MTMR14: variants seen among roughly 807,000 people sequenced by gnomAD.
The protein encoded by MTMR14 is phosphatidylinositol-3,5-bisphosphate 3-phosphatase MTMR14.
Under a neutral mutation model 86.3 loss-of-function variants are expected in MTMR14, and 48 were observed. The ratio of observed to expected loss-of-function variants is 0.56; its 90% confidence interval spans 0.44 to 0.71. The LOEUF is 0.71. MTMR14 is among the 30% of genes least tolerant of loss of function. The pLI is 0.00. For missense variants in MTMR14, 780 were observed against 834.6 expected (o/e 0.93, Z 0.81); for synonymous variants, 366 against 326.1 (o/e 1.12, Z -1.32).
chr3:9,650,644 A>C (rs901319423), intron 1 of MTMR14: 1 of 253,996 alleles, frequency 3.9e-6, no homozygotes, highest in African/African-American at 2.2e-5. Flanking sequence ...TTCCAAGTAT[A>C]GTCTGGGGAC....
chr3:9,685,412 G>A (rs909631866), intron 13 of MTMR14, among the ~76,000 whole-genome samples, 165 bp downstream of exon 13: 1 of 152,156 alleles, frequency 6.6e-6, no homozygotes, highest in Non-Finnish European at 1.5e-5. Context: ...ACAGGCACCA[G>A]CACAGTAGCT....
chr3:9,675,695 C>T (rs552479426), intron 7 of MTMR14: 2 of 457,320 alleles, frequency 4.4e-6, no homozygotes, highest in African/African-American at 4.0e-5. Context: ...GGCATTTGCC[C>T]TGAGTAGAGT....
chr3:9,667,859 A>G (rs913181318), intron 3 of MTMR14, among the ~76,000 whole-genome samples: 10 of 152,118 alleles, frequency 6.6e-5, no homozygotes, highest in African/African-American at 2.4e-4. Context: ...TCCACTTTCC[A>G]TTTGCACATT....
intron 7 of MTMR14, among the ~76,000 whole-genome samples, chr3:9,673,907 C>T (rs371402559): frequency 1.3e-5 from 2 of 151,896 alleles, no homozygotes; most frequent in East Asian, 1.9e-4. Flanking sequence ...AGCAAGTTTG[C>T]GCTGATGCAG....
At position 9,649,728 on chromosome 3, in the gene MTMR14, A is replaced by G. The variant is rs2047168910; in HGVS notation, c.145A>G (p.Thr49Ala). 1.2e-6 allele frequency: 2 copies of G among 1,613,458 alleles called. No homozygotes were observed. Among genetic ancestry groups the G allele is most frequent in the South Asian group, 1.1e-5 (1 of 90,918 alleles). Residue 49 changes from threonine to alanine, a missense_variant, in exon 1 of 19, where the codon ACC becomes GCC. By Grantham distance (58) the Thr-to-Ala change is moderately conservative. Transcript: ENST00000296003. ...GTACCGGGCCAAGGATGGCAGCGGG[A>G]CCGGCGGCTCTAAGGTGAGATTGGA... ...TQYRAKDGSG[T>A]GGSKVERIEK...
intron 2 of MTMR14, among the ~76,000 whole-genome samples, chr3:9,661,751 A>C (rs2047946065): frequency 6.6e-6 from 1 of 152,072 alleles, no homozygotes; most frequent in Non-Finnish European, 1.5e-5. Context: ...AAGGTTCAGA[A>C]ATCAGAGTGA....
At chr3:9,669,398 A>G (rs765421641) in intron 4 of MTMR14, 34 bp from the exon 5 acceptor site, 1 of 1,611,954 alleles carries the variant, frequency 6.2e-7, no homozygotes, top group Admixed American at 1.7e-5. Context: ...CTGGGTCACC[A>G]GCCTCAGTAC....
Position 9,653,623 on chromosome 3 carries a change from T to G in MTMR14, c.162T>G (p.Val54=). Residue 54 remains valine, a splice_region_variant and synonymous_variant, in exon 2 of 19, where the codon GTT becomes GTG. Coordinates refer to ENST00000296003, the MANE Select transcript of MTMR14 (RefSeq NM_001077525.3). The stretch of plus-strand genomic sequence containing the variant: ...TTCTGGTCTCCTTCTCTGTGCAGGT[T>G]GAGCGCATTGAGAAGAGATGTCTGG... ...KDGSGTGGSK[V]ERIEKRCLEL... is the part of the protein sequence containing the mutation. 1 of 1,614,086 alleles carries G rather than the reference T, an allele frequency of 6.2e-7. No individual in the cohort carries two copies. The highest frequency in any genetic ancestry group is 8.5e-7 in the Non-Finnish European group (1 of 1,180,016).
intron 5 of MTMR14, among the ~76,000 whole-genome samples, chr3:9,670,840 C>A (rs1315493867): frequency 6.6e-6 from 1 of 152,180 alleles, no homozygotes; most frequent in East Asian, 1.9e-4. Flanking sequence ...TGAAATACAT[C>A]CCAGAGATTG....
At chr3:9,678,862 G>A (rs1373659029) in intron 9 of MTMR14, among the ~76,000 whole-genome samples, 1 of 152,184 alleles carries the variant, frequency 6.6e-6, no homozygotes, top group African/African-American at 2.4e-5. Flanking sequence ...AAATCCTGGA[G>A]GACAGGGACC....
At chr3:9,685,087 G>A in intron 12 of MTMR14, 123 bp downstream of exon 12, 2 of 1,494,764 alleles carry the variant, frequency 1.3e-6, no homozygotes, top group Non-Finnish European at 1.9e-6. Context: ...AAGGACCGAA[G>A]CTGCTGATCA....
In MTMR14 at chr3:9,687,504, G is replaced by A. The variant is rs561929975; in HGVS notation, c.1165-317G>A. 7.5e-3 allele frequency among the ~76,000 whole-genome samples: 1,137 copies of A among 151,882 alleles called. 17 individuals carry two copies. The highest frequency in any genetic ancestry group is 0.021 in the Middle Eastern group (6 of 292). Reference sequence around the variant, plus strand: ...CAGGAGGCTGAGCTTGCAGTGAGCCGAGATCACGCCATTGCACTCCAGCCT... The same window carrying A: ...CAGGAGGCTGAGCTTGCAGTGAGCCAAGATCACGCCATTGCACTCCAGCCT... On this transcript the variant is annotated intron_variant, in intron 13 of 18. Coordinates refer to ENST00000296003, the MANE Select transcript of MTMR14 (RefSeq NM_001077525.3).
intron 3 of MTMR14, among the ~76,000 whole-genome samples, chr3:9,668,391 CTTG>C (rs2048372993): frequency 6.6e-6 from 1 of 152,336 alleles, no homozygotes; most frequent in South Asian, 2.1e-4. Flanking sequence ...CCCTCATGGG[CTTG>C]TTGTAAAATT....
At chr3:9,658,071 G>T (rs1201361599) in intron 2 of MTMR14, among the ~76,000 whole-genome samples, 1 of 152,162 alleles carries the variant, frequency 6.6e-6, no homozygotes, top group Non-Finnish European at 1.5e-5. Flanking sequence ...GAGCTTGTTG[G>T]AGTTTGTTTT....
chr3:9,697,888 G>A, intron 18 of MTMR14, 22 bp downstream of exon 18: 4 of 1,613,722 alleles, frequency 2.5e-6, no homozygotes, highest in Non-Finnish European at 3.4e-6. Flanking sequence ...GCTTGAGAAG[G>A]CAGGATGCTC....
chr3:9,665,379 C>G (rs570265389), intron 3 of MTMR14, among the ~76,000 whole-genome samples: 1 of 151,364 alleles, frequency 6.6e-6, no homozygotes, highest in South Asian at 2.1e-4. Context: ...AACAGAAAAT[C>G]AAATACCGCA....
At chr3:9,673,084 A>C (rs144861995) in intron 7 of MTMR14, among the ~76,000 whole-genome samples, 7 of 152,316 alleles carry the variant, frequency 4.6e-5, no homozygotes, top group Admixed American at 6.5e-5. Flanking sequence ...ATTTATATGA[A>C]AGTGGTCTGT....
chr3:9,691,474 T>C lies in MTMR14; in HGVS notation c.1613+1331T>C, dbSNP rs951129074. 2.0e-5 allele frequency among the ~76,000 whole-genome samples: 3 copies of C among 152,206 alleles called. No homozygotes were observed. In the East Asian group the frequency reaches 5.8e-4, roughly 29 times the overall value. On this transcript the variant is annotated intron_variant, in intron 17 of 18. Transcript: ENST00000296003. ...CTAGGCTGTGGCTCTAGGTCATGGT[T>C]CCTGCCCCCTTTTCTGCCTGTCCAG... is the stretch of plus-strand genomic sequence containing the variant.
intron 1 of MTMR14, among the ~76,000 whole-genome samples, chr3:9,651,085 G>T (rs2047258567): frequency 6.6e-6 from 1 of 151,908 alleles, no homozygotes; most frequent in African/African-American, 2.4e-5. Context: ...CACCGCGCCT[G>T]GCTTTTTTGT....
Sources: gnomAD v4.1 joint callset for allele counts (sites outside exome capture counted in the v4.1 genomes callset) on GRCh38, gnomAD v4.1.1 for gene constraint, MANE v1.5 for transcripts, NCBI Gene and HGNC (gene_info 2026-07-23, HGNC 2026-07-21) for gene names.